The following MICU1 variants were observed in gnomAD, a reference collection of about 807,000 sequenced individuals.
MICU1 encodes mitochondrial calcium uptake 1.
In MICU1, 45 loss-of-function variants were observed where a neutral mutation model predicts 56.8. That is an observed-to-expected ratio of 0.79 (90% CI 0.62 to 1.02). MICU1 has a LOEUF of 1.02. MICU1 is among the 50% of genes least tolerant of loss of function. MICU1 has a pLI of 0.00. For missense variants in MICU1, 504 were observed against 587.1 expected (o/e 0.86, Z 1.46); for synonymous variants, 186 against 195.1 (o/e 0.95, Z 0.39).
chr10:72,438,699 A>G (rs1468652476), intron 8 of MICU1, among the ~76,000 whole-genome samples: 2 of 152,214 alleles, frequency 1.3e-5, no homozygotes, highest in Non-Finnish European at 2.9e-5. Flanking sequence ...TAGATACAAT[A>G]GAAAATGATA....
chr10:72,531,960 G>A (rs1839498981), intron 5 of MICU1, among the ~76,000 whole-genome samples: 1 of 149,008 alleles, frequency 6.7e-6, no homozygotes, highest in Admixed American at 6.7e-5. Flanking sequence ...GAGCGCAATG[G>A]CACAATCTTG....
chr10:72,430,849 T>C (rs7095734), intron 8 of MICU1, among the ~76,000 whole-genome samples: 98,557 of 152,044 alleles, frequency 0.65, 33,116 homozygotes, highest in African/African-American at 0.77. Context: ...CGTGAGCCAC[T>C]GCACCTGGCC....
intron 1 of MICU1, among the ~76,000 whole-genome samples, chr10:72,603,326 G>A (rs376323233): frequency 2.0e-5 from 3 of 150,888 alleles, no homozygotes; most frequent in Middle Eastern, 3.6e-3. Flanking sequence ...GATGGAGGTT[G>A]CAGTGAGCTG....
chr10:72,513,379 C>T (rs1305352147), intron 5 of MICU1, among the ~76,000 whole-genome samples: 1 of 152,056 alleles, frequency 6.6e-6, no homozygotes, highest in Non-Finnish European at 1.5e-5. Flanking sequence ...CTATCCAAAT[C>T]CTTTGCTCAT....
At chr10:72,526,926 T>C (rs1225394806) in intron 5 of MICU1, among the ~76,000 whole-genome samples, 1 of 133,812 alleles carries the variant, frequency 7.5e-6, no homozygotes, top group Admixed American at 7.5e-5. Context: ...TTAAGAGTAA[T>C]GGCTTCAAAA....
At position 72,500,261 on chromosome 10, in the gene MICU1, C is replaced by T. The variant is rs12768119; in HGVS notation, c.652+7894G>A. On this transcript the variant is annotated intron_variant, in intron 6 of 11. Transcript: ENST00000361114. ...AAACTATTATATACATACATACATA[C>T]ATATATATATATATATATATATATA... 4.3e-3 allele frequency among the ~76,000 whole-genome samples: 124 copies of T among 29,042 alleles called. 4 individuals carry two copies. The highest frequency in any genetic ancestry group is 5.8e-3 in the African/African-American group (61 of 10,598). 19.1% of individuals were successfully genotyped at this position (29,042 alleles called of 152,430 possible).
chr10:72,605,684 G>A (rs928807344), intron 1 of MICU1, among the ~76,000 whole-genome samples: 3 of 152,182 alleles, frequency 2.0e-5, no homozygotes, highest in Non-Finnish European at 4.4e-5. Context: ...GTTTAGAGAT[G>A]ATTTAAAGTA....
intron 3 of MICU1, among the ~76,000 whole-genome samples, chr10:72,559,332 A>G (rs1209887069): frequency 6.6e-6 from 1 of 152,198 alleles, no homozygotes; most frequent in Non-Finnish European, 1.5e-5. Flanking sequence ...TTTTTTAAAA[A>G]ACAATCTGAA....
At chr10:72,554,532 T>C (rs1445612982) in intron 3 of MICU1, among the ~76,000 whole-genome samples, 1 of 152,174 alleles carries the variant, frequency 6.6e-6, no homozygotes, top group African/African-American at 2.4e-5. Context: ...ATGGCCTGCA[T>C]TCTGTCACTT....
chr10:72,476,226 CAAA>C (rs71018297), intron 7 of MICU1, among the ~76,000 whole-genome samples: 1 of 73,830 alleles, frequency 1.4e-5, no homozygotes, highest in Admixed American at 1.7e-4. Flanking sequence ...GACTCCATCT[CAAA>C]AAAAAAAAAA....
At chr10:72,624,162 T>C (rs1408179468) in intron 1 of MICU1, among the ~76,000 whole-genome samples, 1 of 152,206 alleles carries the variant, frequency 6.6e-6, no homozygotes, top group African/African-American at 2.4e-5. Flanking sequence ...TTGCATAATA[T>C]TGCATTATGG....
At chr10:72,540,605 T>A (rs536240928) in intron 4 of MICU1, among the ~76,000 whole-genome samples, 50 of 151,778 alleles carry the variant, frequency 3.3e-4, no homozygotes, top group Non-Finnish European at 4.9e-4. Flanking sequence ...AGCCCAGGAG[T>A]TCAAGGTTAC....
At chr10:72,392,448 G>A (rs1288362729) in intron 10 of MICU1, among the ~76,000 whole-genome samples, 3 of 152,120 alleles carry the variant, frequency 2.0e-5, no homozygotes, top group South Asian at 4.1e-4. Context: ...GCATGTGCCT[G>A]TAATCCCAGC....
intron 10 of MICU1, among the ~76,000 whole-genome samples, chr10:72,384,322 C>T (rs2132053524): frequency 6.6e-6 from 1 of 152,238 alleles, no homozygotes; most frequent in Admixed American, 6.5e-5. Context: ...CCTTCCGAGG[C>T]TTCTCAAGGT....
chr10:72,508,800 A>G (rs919543817), intron 5 of MICU1, among the ~76,000 whole-genome samples: 18 of 152,206 alleles, frequency 1.2e-4, no homozygotes, highest in Admixed American at 2.0e-4. Context: ...GCTTCAGAAT[A>G]CAGACCAGTA....
intron 8 of MICU1, among the ~76,000 whole-genome samples, chr10:72,443,188 A>C (rs2132188715): frequency 6.6e-6 from 1 of 152,246 alleles, no homozygotes; most frequent in Non-Finnish European, 1.5e-5. Context: ...GTGTCTGTTC[A>C]TGTCCTTCGC....
intron 8 of MICU1, among the ~76,000 whole-genome samples, chr10:72,426,047 T>G (rs915966698): frequency 8.6e-5 from 13 of 151,030 alleles, no homozygotes; most frequent in African/African-American, 1.5e-4. Context: ...CAACTTTTTT[T>G]GTTGTTGTTG....
At chr10:72,519,484 CAT>C (rs1461267276) in intron 5 of MICU1, among the ~76,000 whole-genome samples, 1 of 152,182 alleles carries the variant, frequency 6.6e-6, no homozygotes, top group African/African-American at 2.4e-5. Context: ...ATACACTACA[CAT>C]GTGTAACTGT....
intron 1 of MICU1, among the ~76,000 whole-genome samples, chr10:72,623,329 A>C (rs1270451882): frequency 1.3e-4 from 20 of 149,206 alleles, no homozygotes; most frequent in Non-Finnish European, 2.5e-4. Context: ...AAAGACAAGA[A>C]AAGAAAAGGG....
Sources: allele counts gnomAD v4.1 joint callset (sites outside exome capture counted in the v4.1 genomes callset), GRCh38; gene constraint gnomAD v4.1.1; transcripts MANE v1.5; gene names NCBI Gene and HGNC (gene_info 2026-07-23, HGNC 2026-07-21).